Variants in FHIT observed in about 807,000 individuals in gnomAD.
FHIT encodes the protein bis(5'-adenosyl)-triphosphatase.
Under a neutral mutation model 17.9 loss-of-function variants are expected in FHIT, and 19 were observed. That is an observed-to-expected ratio of 1.06 (90% CI 0.74 to 1.56). The LOEUF (loss-of-function observed/expected upper bound fraction) is 1.56. Among genes scored for constraint, FHIT ranks in the 40% most tolerant of loss-of-function variants. FHIT has a pLI of 0.00. For synonymous variants in FHIT, 81 were observed against 69.7 expected, an observed-to-expected ratio of 1.16 and a Z score of -0.81; for missense variants, 248 against 189.2, an observed-to-expected ratio of 1.31 and a Z score of -1.82.
chr3:60,497,207 T>C (rs1457599000), intron 5 of FHIT, among the ~76,000 whole-genome samples: 3 of 151,954 alleles, frequency 2.0e-5, no homozygotes, highest in Non-Finnish European at 4.4e-5. Flanking sequence ...AAAGTAGTTA[T>C]CTGGTCCAAA....
At chr3:60,576,601 A>G (rs782445565) in intron 4 of FHIT, among the ~76,000 whole-genome samples, 4 of 152,170 alleles carry the variant, frequency 2.6e-5, no homozygotes, top group Non-Finnish European at 4.4e-5. Context: ...GACGTTAATC[A>G]ATTTATTTCA....
chr3:60,396,102 G>A (rs1447172509), intron 5 of FHIT, among the ~76,000 whole-genome samples: 1 of 152,096 alleles, frequency 6.6e-6, no homozygotes, highest in Non-Finnish European at 1.5e-5. Flanking sequence ...CTACCCCCAT[G>A]TGACAGGTAT....
intron 8 of FHIT, among the ~76,000 whole-genome samples, chr3:59,801,775 G>GGGGT (rs1700002864): frequency 6.6e-6 from 1 of 152,116 alleles, no homozygotes; most frequent in Non-Finnish European, 1.5e-5. Flanking sequence ...TAAAGGACCA[G>GGGGT]CACTTGAGGT....
chr3:59,948,721 G>C (rs920980483), intron 7 of FHIT, among the ~76,000 whole-genome samples: 3 of 151,954 alleles, frequency 2.0e-5, no homozygotes, highest in Non-Finnish European at 2.9e-5. Flanking sequence ...CTATGGGCTG[G>C]TGACGTTGAG....
chr3:60,718,758 G>A (rs970123016), intron 4 of FHIT, among the ~76,000 whole-genome samples: 5 of 152,040 alleles, frequency 3.3e-5, no homozygotes, highest in African/African-American at 4.8e-5. Context: ...TCATTCTAAG[G>A]TCCAATTAAT....
At chr3:60,906,710 A>C (rs1553764647) in intron 3 of FHIT, among the ~76,000 whole-genome samples, 1 of 152,226 alleles carries the variant, frequency 6.6e-6, no homozygotes, top group Admixed American at 6.5e-5. Flanking sequence ...CAAAAGAATA[A>C]GGAGCTAAGT....
intron 2 of FHIT, among the ~76,000 whole-genome samples, chr3:61,120,854 G>A (rs2036436621): frequency 6.6e-6 from 1 of 151,970 alleles, no homozygotes; most frequent in Non-Finnish European, 1.5e-5. Context: ...TTGAAAAAAG[G>A]TTAGAGGAAT....
At chr3:60,414,048 T>C (rs974213197) in intron 5 of FHIT, among the ~76,000 whole-genome samples, 1 of 152,130 alleles carries the variant, frequency 6.6e-6, no homozygotes, top group Non-Finnish European at 1.5e-5. Context: ...TGAGGCACAA[T>C]GATAAAGACT....
chr3:60,080,737 A>G (rs938972692), intron 5 of FHIT: 15 of 152,266 alleles, frequency 9.9e-5, no homozygotes, highest in African/African-American at 3.4e-4. Context: ...CAAAGAAGGG[A>G]GTGCAAAAGA....
intron 3 of FHIT, among the ~76,000 whole-genome samples, chr3:60,974,893 A>C (rs1300853425): frequency 9.9e-5 from 15 of 152,124 alleles, no homozygotes; most frequent in Admixed American, 9.8e-4. Context: ...TATTATTGGC[A>C]TTTTTCACCT....
chr3:59,943,975 C>A (rs745802396), intron 7 of FHIT, among the ~76,000 whole-genome samples: 1 of 152,158 alleles, frequency 6.6e-6, no homozygotes, highest in Non-Finnish European at 1.5e-5. Context: ...TTTTCCCTGA[C>A]AATTAATAAT....
chr3:60,203,002 T>TAA lies in FHIT; in HGVS notation c.104-188852_104-188851dup, dbSNP rs35500094. 7.7e-4 allele frequency among the ~76,000 whole-genome samples: 116 copies of TAA among 149,808 alleles called. 1 individual carries two copies. Among genetic ancestry groups the TAA allele is most frequent in the African/African-American group, 2.6e-3 (107 of 40,802 alleles). ...AATAATTTGTTTGACACATTACAGT[T>TAA]AAAAAAAAAACCCCAATAGAAGTAC... On this transcript the variant is annotated intron_variant, in intron 5 of 9. Coordinates refer to ENST00000492590, the MANE Select transcript of FHIT (RefSeq NM_002012.4).
chr3:60,836,493 T>C (rs1702545575), intron 3 of FHIT, among the ~76,000 whole-genome samples: 1 of 152,158 alleles, frequency 6.6e-6, no homozygotes, highest in African/African-American at 2.4e-5. Flanking sequence ...GATAGGTGAA[T>C]GGTAGGAATT....
Position 59,868,206 on chromosome 3 carries a change from A to C in FHIT, c.348+54140T>G, listed in dbSNP as rs1190069651. Among the ~76,000 whole-genome samples, 3 of 152,138 alleles carry C rather than the reference A, an allele frequency of 2.0e-5. No homozygotes were observed. The East Asian group carries it at 5.8e-4, about 29-fold the overall frequency. On this transcript the variant is annotated intron_variant, in intron 8 of 9. Transcript: ENST00000492590. ...ACCTTCTTTCTCTGCATTGCAGTAC[A>C]CCAAAATGCCAGTCCTCTCTACAAA...
Position 60,307,380 on chromosome 3 carries a change from C to T in FHIT, c.103+229480G>A, listed in dbSNP as rs1480583762. Among the ~76,000 whole-genome samples the T allele has an allele frequency of 7.2e-5, 11 of 152,168 alleles. No homozygotes were observed. The South Asian group carries it at 1.7e-3, about 23-fold the overall frequency. ...AAATGTCTGTAATACTTCATCTGCCCGAAGGAAGACAGTGAGATAATATCC... is the reference window on the plus strand; with the variant it reads ...AAATGTCTGTAATACTTCATCTGCCTGAAGGAAGACAGTGAGATAATATCC... On this transcript the variant is annotated intron_variant, in intron 5 of 9. Transcript: ENST00000492590.
intron 5 of FHIT, among the ~76,000 whole-genome samples, chr3:60,280,733 A>C (rs1483713514): frequency 6.6e-6 from 1 of 152,204 alleles, no homozygotes; most frequent in East Asian, 1.9e-4. Flanking sequence ...TGAAGCTACC[A>C]GTCTGTAATA....
intron 4 of FHIT, among the ~76,000 whole-genome samples, chr3:60,815,513 T>C (rs1453735792): frequency 6.6e-6 from 1 of 152,166 alleles, no homozygotes; most frequent in African/African-American, 2.4e-5. Context: ...CCATTGCTTT[T>C]GTTAACTTTG....
intron 4 of FHIT, among the ~76,000 whole-genome samples, chr3:60,580,045 TG>T (rs2037702577): frequency 1.3e-5 from 2 of 152,166 alleles, no homozygotes; most frequent in African/African-American, 4.8e-5. Context: ...GTGTTTTTCA[TG>T]TCTGCACATC....
At chr3:60,404,725 T>G (rs1231088704) in intron 5 of FHIT, among the ~76,000 whole-genome samples, 3 of 152,046 alleles carry the variant, frequency 2.0e-5, no homozygotes, top group African/African-American at 7.2e-5. Flanking sequence ...AGCCTTTGGA[T>G]TTGTTGAATG....
Sources: allele counts gnomAD v4.1 joint callset (sites outside exome capture counted in the v4.1 genomes callset), GRCh38; gene constraint gnomAD v4.1.1; transcripts MANE v1.5; gene names NCBI Gene and HGNC (gene_info 2026-07-23, HGNC 2026-07-21).